The following RRAS2 variants were observed in gnomAD, a reference collection of about 807,000 sequenced individuals.
RRAS2 encodes the protein RAS related 2, also known as ras-related protein R-Ras2.
In RRAS2, 7 loss-of-function variants were observed where a neutral mutation model predicts 27.6. The observed-to-expected ratio is 0.25, with a 90% CI of 0.14 to 0.48. RRAS2 has a LOEUF of 0.48. RRAS2 is among the 20% of genes least tolerant of loss of function. The pLI, the probability that RRAS2 is intolerant of heterozygous loss-of-function variation, is 0.99. For synonymous variants in RRAS2, 86 were observed against 90.9 expected (o/e 0.95, Z 0.31); for missense variants, 178 against 256.2 (o/e 0.69, Z 2.08).
At position 14,294,830 on chromosome 11, in the gene RRAS2, C is replaced by T. The variant is rs1847503372; in HGVS notation, c.229G>A (p.Ala77Thr). The T allele has an allele frequency of 6.2e-7, 1 of 1,613,782 alleles. No homozygotes were observed. Among genetic ancestry groups the T allele is most frequent in the Non-Finnish European group, 8.5e-7 (1 of 1,179,888 alleles). Reference protein sequence around the residue: ...LDTAGQEEFGAMREQYMRTGE... With the variant: ...LDTAGQEEFGTMREQYMRTGE... ...GTCCTCATATACTGTTCTCTCATGG[C>T]TCCAAACTCTTCTTGTCCTGCTGTA... The change falls in exon 3 of 6, where the codon GCC becomes ACC. Residue 77 changes from alanine to threonine, a missense_variant. Transcript: ENST00000256196.
At chr11:14,285,053 T>C (rs1180486146) in intron 4 of RRAS2, among the ~76,000 whole-genome samples, 2 of 152,214 alleles carry the variant, frequency 1.3e-5, no homozygotes, top group East Asian at 3.8e-4. Flanking sequence ...CCATATTATC[T>C]ATTCTTTGTT....
intron 3 of RRAS2, 24 bp from the exon 4 acceptor site, chr11:14,294,603 A>C: frequency 6.5e-7 from 1 of 1,535,466 alleles, no homozygotes. Context: ...AATCAAAAAC[A>C]AATTAATCAA....
At chr11:14,279,771 G>A (rs1175228794) in intron 5 of RRAS2, among the ~76,000 whole-genome samples, 1 of 152,156 alleles carries the variant, frequency 6.6e-6, no homozygotes, top group Non-Finnish European at 1.5e-5. Context: ...AACCTTATGA[G>A]GTATGCAGGT....
intron 4 of RRAS2, among the ~76,000 whole-genome samples, chr11:14,285,291 A>C (rs1047263955): frequency 6.6e-6 from 1 of 152,188 alleles, no homozygotes; most frequent in African/African-American, 2.4e-5. Context: ...GTGTATGCCT[A>C]AAGTCCCAGC....
rs1196035429 is a variant in RRAS2, at chr11:14,278,184, G to A, written c.*1153C>T. The stretch of plus-strand genomic sequence containing the variant: ...TGAAATAACAATCAATATCTAGCAG[G>A]GAATACTGAAAGTGATTTCAGAGTC... On this transcript the variant is annotated 3_prime_UTR_variant, in exon 6 of 6. Transcript: ENST00000256196. The A allele has an allele frequency of 6.6e-6, 1 of 152,164 alleles. No homozygotes were observed. The highest frequency in any genetic ancestry group is 2.4e-5 in the African/African-American group (1 of 41,436). The allele number at this position is 152,164 out of a possible 1,614,324, so 9.4% of individuals were successfully genotyped here. A position where few individuals can be genotyped will look rare whatever the true frequency, so the allele number is the denominator to read the frequency against.
intron 1 of RRAS2, among the ~76,000 whole-genome samples, chr11:14,320,603 A>G (rs183005334): frequency 4.6e-5 from 7 of 152,308 alleles, no homozygotes; most frequent in Middle Eastern, 3.4e-3. Context: ...ATTCCCCTTA[A>G]TCAATTATTT....
At chr11:14,307,777 G>GA (rs1272589759) in intron 1 of RRAS2, among the ~76,000 whole-genome samples, 15 of 152,074 alleles carry the variant, frequency 9.9e-5, no homozygotes, top group Non-Finnish European at 1.2e-4. Flanking sequence ...CTGCCAAATA[G>GA]AAAAGTAAAG....
chr11:14,309,400 C>G (rs1251780054), intron 1 of RRAS2, among the ~76,000 whole-genome samples: 1 of 152,220 alleles, frequency 6.6e-6, no homozygotes, highest in Non-Finnish European at 1.5e-5. Flanking sequence ...GTGTCAGGAG[C>G]TGAGGATCTA....
At chr11:14,347,207 C>T (rs1294108210) in intron 1 of RRAS2, among the ~76,000 whole-genome samples, 1 of 151,986 alleles carries the variant, frequency 6.6e-6, no homozygotes, top group Non-Finnish European at 1.5e-5. Context: ...ACTAGCTGTT[C>T]ATGAGGATTG....
chr11:14,306,000 G>A (rs1014546689), intron 1 of RRAS2, among the ~76,000 whole-genome samples: 23 of 152,014 alleles, frequency 1.5e-4, no homozygotes, highest in African/African-American at 5.3e-4. Flanking sequence ...AGCTGCGACC[G>A]CACCACTGCA....
rs1847454613 is a variant in RRAS2, at chr11:14,293,125, ATAT to A, written c.408+1343_408+1345del. Among the ~76,000 whole-genome samples, 5 of 7,208 alleles carry A rather than the reference ATAT, an allele frequency of 6.9e-4. No individual in the cohort carries two copies. In the South Asian group the frequency reaches 0.025, roughly 36 times the overall value. The allele number at this position is 7,208 out of a possible 152,430, so 4.7% of individuals were successfully genotyped here. A position where few individuals can be genotyped will look rare whatever the true frequency, so the allele number is the denominator to read the frequency against. ...TCCGTCTCAAAACAAAACAAAACAA[ATAT>A]ATATATATATATATATATATATATA... On this transcript the variant is annotated intron_variant, in intron 4 of 5. Coordinates refer to ENST00000256196, the MANE Select transcript of RRAS2 (RefSeq NM_012250.6).
At chr11:14,311,356 A>T (rs1351232851) in intron 1 of RRAS2, among the ~76,000 whole-genome samples, 1 of 152,170 alleles carries the variant, frequency 6.6e-6, no homozygotes, top group Non-Finnish European at 1.5e-5. Flanking sequence ...TTAAAAAATA[A>T]AAATAAAATA....
chr11:14,287,263 G>A lies in RRAS2; in HGVS notation c.409-5543C>T, dbSNP rs4757246. ...AGGAAGTTAAGACAGGTTTGTCTTT[G>A]TACATCCAAAGCTTAGAAGCATGCT... On this transcript the variant is annotated intron_variant, in intron 4 of 5. Transcript: ENST00000256196. Among the ~76,000 whole-genome samples, 1,004 of 152,200 alleles carry A rather than the reference G, an allele frequency of 6.6e-3. 59 individuals carry two copies. In the East Asian group the frequency reaches 0.13, roughly 19 times the overall value.
intron 4 of RRAS2, among the ~76,000 whole-genome samples, chr11:14,285,722 GT>G (rs1554944935): frequency 1.3e-5 from 2 of 152,168 alleles, no homozygotes; most frequent in African/African-American, 4.8e-5. Flanking sequence ...CTAGTTGATA[GT>G]TTTTGCTATC....
At chr11:14,318,318 G>A (rs181474877) in intron 1 of RRAS2, among the ~76,000 whole-genome samples, 1 of 152,026 alleles carries the variant, frequency 6.6e-6, no homozygotes, top group Non-Finnish European at 1.5e-5. Flanking sequence ...GGCCAACATG[G>A]AAAAGCCCCA....
At chr11:14,356,976 C>T (rs547758578) in intron 1 of RRAS2, among the ~76,000 whole-genome samples, 1 of 151,886 alleles carries the variant, frequency 6.6e-6, no homozygotes, top group East Asian at 1.9e-4. Flanking sequence ...TTAGTAGAGA[C>T]GGGGTTTCAC....
rs1394210457 is a variant in RRAS2 at position 14,299,055 on chromosome 11, G to C, written c.109-3200C>G. On this transcript the variant is annotated intron_variant, in intron 1 of 5. Coordinates refer to ENST00000256196, the MANE Select transcript of RRAS2 (RefSeq NM_012250.6). ...TTTACATGTCTAATCTTCAGCATCTGTAAAACAGAGACAGGAACAAAATCC... is the reference window on the plus strand; with the variant it reads ...TTTACATGTCTAATCTTCAGCATCTCTAAAACAGAGACAGGAACAAAATCC... 2.6e-5 allele frequency among the ~76,000 whole-genome samples: 4 copies of C among 152,302 alleles called. No homozygotes were observed. In the East Asian group the frequency reaches 5.8e-4, roughly 22 times the overall value.
At chr11:14,364,230 A>G (rs1385550359) in intron 1 of RRAS2, among the ~76,000 whole-genome samples, 2 of 152,318 alleles carry the variant, frequency 1.3e-5, no homozygotes, top group East Asian at 3.9e-4. Context: ...TTGACCAAAC[A>G]GCATCCCTGG....
At chr11:14,313,902 A>T (rs1045548570) in intron 1 of RRAS2, among the ~76,000 whole-genome samples, 2 of 152,192 alleles carry the variant, frequency 1.3e-5, no homozygotes, top group African/African-American at 4.8e-5. Flanking sequence ...TAATATACAC[A>T]TCTAAAATAG....
Sources: allele counts gnomAD v4.1 joint callset (sites outside exome capture counted in the v4.1 genomes callset), GRCh38; gene constraint gnomAD v4.1.1; transcripts MANE v1.5; gene names NCBI Gene and HGNC (gene_info 2026-07-23, HGNC 2026-07-21).